Variants in ZBTB7C observed in about 807,000 individuals in gnomAD.
ZBTB7C encodes the protein zinc finger and BTB domain-containing protein 7C.
ZBTB7C carries 8 observed loss-of-function variants against 25.7 expected under a neutral mutation model. The ratio of observed to expected loss-of-function variants is 0.31; its 90% CI spans 0.18 to 0.56. The LOEUF (loss-of-function observed/expected upper bound fraction) is 0.56, where lower values mean the gene tolerates loss of function less well. Among genes scored for constraint, ZBTB7C ranks in the 20% least tolerant of loss-of-function variants. The pLI, the probability that ZBTB7C is intolerant of heterozygous loss-of-function variation, is 0.91. For missense variants in ZBTB7C, 824 were observed against 855.2 expected (o/e 0.96, Z 0.46); for synonymous variants, 394 against 369.0 (o/e 1.07, Z -0.78).
intron 3 of ZBTB7C, among the ~76,000 whole-genome samples, chr18:48,106,510 A>G (rs972262797): frequency 2.6e-5 from 4 of 152,212 alleles, no homozygotes; most frequent in Non-Finnish European, 5.9e-5. Context: ...CAAAAGGAGA[A>G]GTGTATTTAA....
intron 1 of ZBTB7C, among the ~76,000 whole-genome samples, chr18:48,342,213 TTA>T (rs1446816534): frequency 6.6e-6 from 1 of 152,210 alleles, no homozygotes; most frequent in Non-Finnish European, 1.5e-5. Flanking sequence ...GGGATTGTGT[TTA>T]TATTCAAAGT....
In ZBTB7C at chr18:48,040,971, C is replaced by A. The variant is rs998077708; in HGVS notation, c.137G>T (p.Arg46Leu). The A allele has an allele frequency of 1.2e-6, 2 of 1,614,010 alleles. No individual in the cohort carries two copies. Among genetic ancestry groups the A allele is most frequent in the Non-Finnish European group, 1.7e-6 (2 of 1,180,026 alleles). Residue 46 changes from arginine to leucine, a missense_variant, in exon 4 of 5, where the codon CGG (arginine) becomes CTG (leucine). Coordinates refer to ENST00000590800, the MANE Select transcript of ZBTB7C (RefSeq NM_001318841.2). ...GGCAGCCAGGACGGAGCGGTGGGTC[C>A]GATACTCCTGCTCCTGCACCACCAG... ...VLLVVQEQEY[R>L]THRSVLAACS...
intron 1 of ZBTB7C, among the ~76,000 whole-genome samples, chr18:48,393,692 G>A (rs911407836): frequency 1.5e-4 from 23 of 151,840 alleles, no homozygotes; most frequent in African/African-American, 5.3e-4. Context: ...TATAGCCATC[G>A]CCCCTAATTA....
At chr18:48,143,295 CTT>C (rs2040404364) in intron 3 of ZBTB7C, among the ~76,000 whole-genome samples, 2 of 152,112 alleles carry the variant, frequency 1.3e-5, no homozygotes, top group African/African-American at 2.4e-5. Context: ...GTGCTTTTTT[CTT>C]CCTCCAGCAG....
chr18:48,225,834 C>T (rs2043074347), intron 2 of ZBTB7C, among the ~76,000 whole-genome samples: 1 of 152,144 alleles, frequency 6.6e-6, no homozygotes, highest in Admixed American at 6.5e-5. Context: ...CCTCCACCTC[C>T]CAGGTTCAAG....
chr18:48,395,265 ATGTGTGTGTGTGTGTGTG>A (rs59232482), intron 1 of ZBTB7C, among the ~76,000 whole-genome samples: 24,978 of 103,494 alleles, frequency 0.24, 3,078 homozygotes, highest in Non-Finnish European at 0.29. Flanking sequence ...GAGAGAGAGA[ATGTGTGTGTGTGTGTGTG>A]TGTGTGTGTG....
intron 3 of ZBTB7C, among the ~76,000 whole-genome samples, chr18:48,064,259 A>C (rs555372706): frequency 6.6e-6 from 1 of 152,366 alleles, no homozygotes; most frequent in South Asian, 2.1e-4. Context: ...AGGTCTTAAC[A>C]AGAAGCTCTG....
At chr18:48,334,947 C>T (rs1186973264) in intron 2 of ZBTB7C, among the ~76,000 whole-genome samples, 2 of 152,178 alleles carry the variant, frequency 1.3e-5, no homozygotes, top group South Asian at 2.1e-4. Context: ...TGCAGTGCCT[C>T]GGTGCTGTCG....
intron 1 of ZBTB7C, among the ~76,000 whole-genome samples, chr18:48,377,488 T>G (rs923423475): frequency 1.3e-5 from 2 of 152,206 alleles, no homozygotes; most frequent in Admixed American, 1.3e-4. Context: ...AAAACATGTC[T>G]GGACAGAGGT....
At chr18:48,163,961 G>A (rs948717278) in intron 3 of ZBTB7C, among the ~76,000 whole-genome samples, 2 of 152,130 alleles carry the variant, frequency 1.3e-5, no homozygotes, top group African/African-American at 4.8e-5. Flanking sequence ...AGGTCAGAGG[G>A]GATTTGCCTT....
chr18:48,138,927 A>T (rs1253716974), intron 3 of ZBTB7C, among the ~76,000 whole-genome samples: 1 of 152,100 alleles, frequency 6.6e-6, no homozygotes, highest in Non-Finnish European at 1.5e-5. Context: ...GCCTGGGTGG[A>T]GGTGGGGTGG....
intron 1 of ZBTB7C, among the ~76,000 whole-genome samples, chr18:48,351,738 T>C (rs2046867020): frequency 6.6e-6 from 1 of 152,142 alleles, no homozygotes. Context: ...TTGACAGCAG[T>C]GACTGATTAA....
chr18:48,283,498 C>G (rs937369946), intron 2 of ZBTB7C, among the ~76,000 whole-genome samples: 3 of 152,118 alleles, frequency 2.0e-5, no homozygotes, highest in Non-Finnish European at 4.4e-5. Flanking sequence ...CAAACATGTA[C>G]TAAAATCTTC....
intron 2 of ZBTB7C, among the ~76,000 whole-genome samples, chr18:48,186,683 T>C (rs755316329): frequency 2.0e-5 from 3 of 152,032 alleles, no homozygotes; most frequent in Non-Finnish European, 4.4e-5. Flanking sequence ...GCAATGTGAG[T>C]CTGGGCAATT....
chr18:48,084,234 G>C (rs563000761), intron 3 of ZBTB7C, among the ~76,000 whole-genome samples: 11 of 152,232 alleles, frequency 7.2e-5, no homozygotes, highest in Non-Finnish European at 1.5e-4. Flanking sequence ...GTCAGAGGAA[G>C]GCGGGGCAGT....
intron 3 of ZBTB7C, among the ~76,000 whole-genome samples, chr18:48,119,464 CCAGG>C (rs2039554573): frequency 1.3e-5 from 2 of 152,232 alleles, no homozygotes; most frequent in Admixed American, 1.3e-4. Context: ...CCTGAAACCA[CCAGG>C]CACCTCCCTT....
chr18:48,034,515 C>T (rs997693179), intron 4 of ZBTB7C, among the ~76,000 whole-genome samples: 2 of 152,084 alleles, frequency 1.3e-5, no homozygotes, highest in Admixed American at 1.3e-4. Context: ...CCTCTTCCTC[C>T]CAGCCCTCCT....
intron 3 of ZBTB7C, among the ~76,000 whole-genome samples, chr18:48,060,081 G>C (rs947513525): frequency 6.6e-6 from 1 of 152,088 alleles, no homozygotes; most frequent in African/African-American, 2.4e-5. Flanking sequence ...CGGGTGGGTG[G>C]AGGTGACCAA....
intron 2 of ZBTB7C, among the ~76,000 whole-genome samples, chr18:48,218,308 C>T (rs956137168): frequency 6.6e-6 from 1 of 152,234 alleles, no homozygotes; most frequent in African/African-American, 2.4e-5. Flanking sequence ...AGGAATGTGA[C>T]TGTGCCTCTG....
Sources: allele counts gnomAD v4.1 joint callset (sites outside exome capture counted in the v4.1 genomes callset), GRCh38; gene constraint gnomAD v4.1.1; transcripts MANE v1.5; gene names NCBI Gene and HGNC (gene_info 2026-07-23, HGNC 2026-07-21).